CHTF8: variants seen among roughly 807,000 people sequenced by gnomAD.
CHTF8 encodes the protein chromosome transmission fidelity protein 8 homolog.
Under a neutral mutation model 11.0 loss-of-function variants are expected in CHTF8, and 6 were observed. That is an observed-to-expected ratio of 0.55 (90% confidence interval 0.30 to 1.08). The LOEUF is 1.08. Ranked by LOEUF, CHTF8 falls within the 50% of genes least tolerant of loss-of-function variation. The pLI, the probability that CHTF8 is intolerant of heterozygous loss-of-function variation, is 0.07. For missense variants in CHTF8, 140 were observed against 153.1 expected (o/e 0.91, Z 0.45); for synonymous variants, 53 against 60.5 (o/e 0.88, Z 0.57).
intron 1 of CHTF8, among the ~76,000 whole-genome samples, chr16:69,128,979 G>A (rs1962290477): frequency 6.6e-6 from 1 of 151,934 alleles, no homozygotes; most frequent in South Asian, 2.1e-4. Context: ...CAGGAAAATC[G>A]CTTGATCCTG....
chr16:69,122,365 CTTTTTT>C (rs869246617), intron 1 of CHTF8, among the ~76,000 whole-genome samples: 1 of 140,428 alleles, frequency 7.1e-6, no homozygotes, highest in Non-Finnish European at 1.6e-5. Context: ...TAAGGATATT[CTTTTTT>C]TTTTTTTTTT....
rs774810049 is a variant in CHTF8 at position 69,120,508 on chromosome 16, G to A, written c.283C>T (p.Leu95=). Residue 95 remains leucine (L), a synonymous_variant, in exon 4 of 4, where the codon CTG becomes TTG. Transcript: ENST00000448552. The surrounding 1 kb of genome is among the most constrained non-coding windows in gnomAD (Gnocchi z 4.0). The part of the protein sequence containing the change: ...ELGRETGTRY[L]VTALIKDKIL... Reference sequence around the variant, plus strand: ...TTGTCTTTGATGAGTGCTGTCACCAGGTACCGGGTGCCAGTCTCGCGGCCA... The same window carrying A: ...TTGTCTTTGATGAGTGCTGTCACCAAGTACCGGGTGCCAGTCTCGCGGCCA... The A allele has an allele frequency of 5.0e-6, 8 of 1,614,024 alleles. No homozygotes were observed. Among genetic ancestry groups the A allele is most frequent in the Middle Eastern group, 1.6e-4 (1 of 6,084 alleles).
At position 69,118,711 on chromosome 16, in the gene CHTF8, A is replaced by G; in HGVS notation, c.*1714T>C. ...CTCACCTTCAGTCAAGAAAAACGCAAAGGAAAAAGATGGCTCATTTGAACT... is the reference window on the plus strand; with the variant it reads ...CTCACCTTCAGTCAAGAAAAACGCAGAGGAAAAAGATGGCTCATTTGAACT... On this transcript the variant is annotated 3_prime_UTR_variant, in exon 4 of 4. Coordinates refer to ENST00000448552, the MANE Select transcript of CHTF8 (RefSeq NM_001039690.5). 1.5e-6 allele frequency: 1 copy of G among 648,544 alleles called. No individual in the cohort carries two copies. The highest frequency in any genetic ancestry group is 2.8e-6 in the Non-Finnish European group (1 of 361,042). 40.2% of individuals were successfully genotyped at this position (648,544 alleles called of 1,614,324 possible).
At position 69,119,147 on chromosome 16, in the gene CHTF8, G is replaced by A. The variant is rs969603289; in HGVS notation, c.*1278C>T. The A allele has an allele frequency of 7.1e-6, 5 of 702,924 alleles. No homozygotes were observed. The highest frequency in any genetic ancestry group is 1.7e-5 in the African/African-American group (1 of 57,282). 43.5% of individuals were successfully genotyped at this position (702,924 alleles called of 1,614,324 possible). A position where few individuals can be genotyped will look rare whatever the true frequency, so the allele number is the denominator to read the frequency against. On this transcript the variant is annotated 3_prime_UTR_variant, in exon 4 of 4. Transcript: ENST00000448552. ...GGGCCTAATGGGCCAGTAGACCTTGGGAAGGTAGTTGGACTTGGACCCTGC... is the reference window on the plus strand; with the variant it reads ...GGGCCTAATGGGCCAGTAGACCTTGAGAAGGTAGTTGGACTTGGACCCTGC...
chr16:69,120,967 C>A lies in CHTF8; in HGVS notation c.141+86G>T. On this transcript the variant is annotated intron_variant, in intron 3 of 3. Coordinates refer to ENST00000448552, the MANE Select transcript of CHTF8 (RefSeq NM_001039690.5). The surrounding 1 kb of genome is among the most constrained non-coding windows in gnomAD (Gnocchi z 4.0). ...TAGGCCTTGAATAACAAACCTGAGG[C>A]AGTCCTCACTCTGGGTCCTGGGAGC... The A allele has an allele frequency of 9.0e-7, 1 of 1,110,382 alleles. No individual in the cohort carries two copies. The highest frequency in any genetic ancestry group is 2.3e-5 in the East Asian group (1 of 42,604). The allele number at this position is 1,110,382 out of a possible 1,614,324, so 68.8% of individuals were successfully genotyped here. A position where few individuals can be genotyped will look rare whatever the true frequency, so the allele number is the denominator to read the frequency against.
rs761123744 is a variant in CHTF8 at position 69,121,455 on chromosome 16, C to T, written c.4G>A (p.Val2Met). The change falls in exon 2 of 4, where the codon GTG becomes ATG. Residue 2 changes from valine (V) to methionine (M), a missense_variant. Transcript: ENST00000448552. M[V>M]QIVISSARAG... ...ACTTACCTGGAAATAACAATTTGCA[C>T]CATGAGCTTTCTGTCTTTAAAAAGC... 6.2e-7 allele frequency: 1 copy of T among 1,602,960 alleles called. No individual in the cohort carries two copies. Among genetic ancestry groups the T allele is most frequent in the South Asian group, 1.1e-5 (1 of 88,494 alleles).
rs552309213 is a variant in CHTF8, at chr16:69,131,785, A to G, written c.-36+699T>C. Among the ~76,000 whole-genome samples the G allele has an allele frequency of 2.7e-5, 4 of 150,856 alleles. No homozygotes were observed. The East Asian group carries it at 7.9e-4, about 30-fold the overall frequency. ...TTTCTCTACCACCCTCGTTCTCCAA[A>G]TTGTTCCCGGTTCTCAAGTACTCCA... On this transcript the variant is annotated intron_variant, in intron 1 of 3. Transcript: ENST00000448552.
chr16:69,130,854 A>C (rs901640470), intron 1 of CHTF8, among the ~76,000 whole-genome samples: 7 of 152,370 alleles, frequency 4.6e-5, no homozygotes, highest in Admixed American at 6.5e-5. Context: ...TCAAGTTTTC[A>C]TAACAGTAGA....
chr16:69,121,819 C>T (rs578039661), intron 1 of CHTF8, among the ~76,000 whole-genome samples: 6 of 152,344 alleles, frequency 3.9e-5, no homozygotes, highest in East Asian at 3.9e-4. Flanking sequence ...AGGTGCCCGC[C>T]ACCACGGCCG....
chr16:69,128,271 G>A (rs552583131), intron 1 of CHTF8, among the ~76,000 whole-genome samples: 1 of 152,128 alleles, frequency 6.6e-6, no homozygotes, highest in Admixed American at 6.5e-5. Flanking sequence ...CATGTCTTTC[G>A]TTAGGAACAA....
chr16:69,119,597 T>C lies in CHTF8; in HGVS notation c.*828A>G. The C allele has an allele frequency of 1.4e-6, 1 of 701,296 alleles. No homozygotes were observed. Among genetic ancestry groups the C allele is most frequent in the Non-Finnish European group, 2.6e-6 (1 of 383,990 alleles). 43.4% of individuals were successfully genotyped at this position (701,296 alleles called of 1,614,324 possible). ...CCTAAAAGACCTGCTGCTCTTAGAA[T>C]GGGGGCAAGATCGAGGCCTTGAGGT... On this transcript the variant is annotated 3_prime_UTR_variant, in exon 4 of 4. Transcript: ENST00000448552.
At chr16:69,121,537 CTAA>C (rs1961662379) in intron 1 of CHTF8, 44 bp from the exon 2 acceptor site, 11 of 1,210,432 alleles carry the variant, frequency 9.1e-6, no homozygotes, top group Non-Finnish European at 1.2e-5. Flanking sequence ...ACAACAACAA[CTAA>C]TAATGACACC....
At chr16:69,125,832 TC>T (rs1195508709) in intron 1 of CHTF8, among the ~76,000 whole-genome samples, 1 of 152,196 alleles carries the variant, frequency 6.6e-6, no homozygotes, top group African/African-American at 2.4e-5. Context: ...TACTGTGTAG[TC>T]AAGAACAAGT....
At chr16:69,129,118 A>G (rs1357496743) in intron 1 of CHTF8, among the ~76,000 whole-genome samples, 1 of 151,220 alleles carries the variant, frequency 6.6e-6, no homozygotes, top group East Asian at 2.0e-4. Context: ...TCAAAGCACC[A>G]CCATGATTTC....
rs535016481 is a variant in CHTF8, at chr16:69,121,792, C to T, written c.-35-299G>A. Among the ~76,000 whole-genome samples, 9 of 152,264 alleles carry T rather than the reference C, an allele frequency of 5.9e-5. No individual in the cohort carries two copies. The East Asian group carries it at 1.4e-3, about 23-fold the overall frequency. On this transcript the variant is annotated intron_variant, in intron 1 of 3. Transcript: ENST00000448552. ...ATGCCATTCTCCTGCCTCAGCCTCC[C>T]GAGTAGCTGGGACTACAGGTGCCCG...
intron 1 of CHTF8, among the ~76,000 whole-genome samples, chr16:69,131,822 C>T (rs1962546928): frequency 6.6e-6 from 1 of 151,836 alleles, no homozygotes; most frequent in Non-Finnish European, 1.5e-5. Context: ...TCCTCCAGGA[C>T]CCCACCCCAC....
rs1961388668 is a variant in CHTF8, at chr16:69,118,945, A to C, written c.*1480T>G. The C allele has an allele frequency of 1.4e-6, 1 of 702,816 alleles. No homozygotes were observed. The highest frequency in any genetic ancestry group is 2.7e-5 in the East Asian group (1 of 37,262). The allele number at this position is 702,816 out of a possible 1,614,324, so 43.5% of individuals were successfully genotyped here. On this transcript the variant is annotated 3_prime_UTR_variant, in exon 4 of 4. Transcript: ENST00000448552. ...TGGGTTTGTGCCAGGGAGGCTCCCC[A>C]CTCTAGGAAATGGGACGAAACTCTT...
At position 69,120,682 on chromosome 16, in the gene CHTF8, T is replaced by C; in HGVS notation, c.142-33A>G. 6.3e-7 allele frequency: 1 copy of C among 1,582,594 alleles called. No individual in the cohort carries two copies. Among genetic ancestry groups the C allele is most frequent in the South Asian group, 1.1e-5 (1 of 88,580 alleles). On this transcript the variant is annotated intron_variant, in intron 3 of 3. Transcript: ENST00000448552. This position sits in a 1 kb window ranked among gnomAD's most constrained non-coding sequence, Gnocchi z 4.0. ...AGAACAAGAACGAGATTCCTGAGGT[T>C]CCGGGGCAAGGCCATAACACTCAGG...
Position 69,118,535 on chromosome 16 carries a change from A to C in CHTF8, c.*1890T>G. Reference sequence around the variant, plus strand: ...GCAGGCCAATGTATCCCTGAGGAAAAGTCCACAAGAACAATTCAAGAAACT... The same window carrying C: ...GCAGGCCAATGTATCCCTGAGGAAACGTCCACAAGAACAATTCAAGAAACT... On this transcript the variant is annotated 3_prime_UTR_variant, in exon 4 of 4. Coordinates refer to ENST00000448552, the MANE Select transcript of CHTF8 (RefSeq NM_001039690.5). 1 of 907,022 alleles carries C rather than the reference A, an allele frequency of 1.1e-6. No individual in the cohort carries two copies. Among genetic ancestry groups the C allele is most frequent in the Non-Finnish European group, 1.9e-6 (1 of 539,052 alleles). The allele number at this position is 907,022 out of a possible 1,614,324, so 56.2% of individuals were successfully genotyped here. A position where few individuals can be genotyped will look rare whatever the true frequency, so the allele number is the denominator to read the frequency against.
Sources: gnomAD v4.1 joint callset for allele counts (sites outside exome capture counted in the v4.1 genomes callset) on GRCh38, gnomAD v4.1.1 for gene constraint, Gnocchi (gnomAD v3.1) non-coding constraint, MANE v1.5 for transcripts, NCBI Gene and HGNC (gene_info 2026-07-23, HGNC 2026-07-21) for gene names.